Variants in DOCK5 observed in about 807,000 individuals in gnomAD.
DOCK5 encodes dedicator of cytokinesis protein 5.
DOCK5 carries 142 observed loss-of-function variants against 251.8 expected under a neutral mutation model. The observed-to-expected ratio is 0.56, with a 90% CI of 0.49 to 0.65. The LOEUF is 0.65. Ranked by LOEUF, DOCK5 falls within the 30% of genes least tolerant of loss-of-function variation. The probability of loss-of-function intolerance (pLI) is 0.00; values close to 1 mark genes in which losing one functional copy is unlikely to be tolerated. For synonymous variants in DOCK5, 842 were observed against 835.5 expected (o/e 1.01, Z -0.13); for missense variants, 2,111 against 2,312.3 (o/e 0.91, Z 1.79).
chr8:25,280,257 A>T (rs1170650419), intron 5 of DOCK5, among the ~76,000 whole-genome samples: 1 of 151,340 alleles, frequency 6.6e-6, no homozygotes, highest in Admixed American at 6.6e-5. Context: ...TGGCCTGGGA[A>T]CCCTCCTCTT....
chr8:25,293,456 G>A (rs1384802252), intron 6 of DOCK5, among the ~76,000 whole-genome samples: 4 of 152,132 alleles, frequency 2.6e-5, no homozygotes, highest in Non-Finnish European at 4.4e-5. Flanking sequence ...TTAAAACATA[G>A]GGTTGAGGTA....
chr8:25,263,481 C>T (rs938907768), intron 2 of DOCK5, among the ~76,000 whole-genome samples: 3 of 151,874 alleles, frequency 2.0e-5, no homozygotes, highest in African/African-American at 7.3e-5. Context: ...CCTTCTGGGG[C>T]TTATAACTCC....
intron 3 of DOCK5, among the ~76,000 whole-genome samples, chr8:25,273,768 T>C (rs1007258444): frequency 6.6e-6 from 1 of 152,210 alleles, no homozygotes; most frequent in Non-Finnish European, 1.5e-5. Context: ...AAGTGTCCTG[T>C]CTACTGTGCC....
chr8:25,332,105 A>G (rs1230960801), intron 18 of DOCK5, 146 bp from the exon 19 acceptor site: 2 of 513,330 alleles, frequency 3.9e-6, no homozygotes, highest in African/African-American at 2.0e-5. Flanking sequence ...CTTAGATAGG[A>G]GATAGTAAAT....
chr8:25,278,518 A>G (rs1176015061), intron 4 of DOCK5, 51 bp from the exon 5 acceptor site: 8 of 1,554,220 alleles, frequency 5.1e-6, no homozygotes, highest in Non-Finnish European at 6.2e-6. Context: ...CATCAAGTAA[A>G]GCAGTGCTGA....
At chr8:25,352,045 C>CA (rs1800478909) in intron 27 of DOCK5, among the ~76,000 whole-genome samples, 1 of 151,720 alleles carries the variant, frequency 6.6e-6, no homozygotes. Context: ...CCCATCCCTA[C>CA]AAAAAATTTA....
chr8:25,288,037 C>T (rs1657213594), intron 5 of DOCK5, among the ~76,000 whole-genome samples: 1 of 151,972 alleles, frequency 6.6e-6, no homozygotes, highest in Admixed American at 6.6e-5. Context: ...AGGTACCCGC[C>T]ACCACACCCA....
At chr8:25,226,195 G>A (rs569765064) in intron 1 of DOCK5, among the ~76,000 whole-genome samples, 16 of 151,864 alleles carry the variant, frequency 1.1e-4, no homozygotes, top group African/African-American at 3.9e-4. Flanking sequence ...TTTAAAAAGA[G>A]GGTAGTATGT....
At chr8:25,318,784 C>T (rs879640399) in intron 14 of DOCK5, among the ~76,000 whole-genome samples, 3 of 151,874 alleles carry the variant, frequency 2.0e-5, no homozygotes, top group Admixed American at 6.6e-5. Context: ...CTTTGGTAAC[C>T]AAGGACCAAG....
At chr8:25,186,779 G>A (rs977539037) in intron 1 of DOCK5, among the ~76,000 whole-genome samples, 2 of 152,198 alleles carry the variant, frequency 1.3e-5, no homozygotes, top group African/African-American at 4.8e-5. Context: ...TTCAGTTGAG[G>A]GTAATTAATG....
chr8:25,353,663 T>G (rs1303165818), intron 27 of DOCK5, among the ~76,000 whole-genome samples: 2 of 152,140 alleles, frequency 1.3e-5, no homozygotes, highest in South Asian at 4.1e-4. Context: ...GTTAATCACT[T>G]GTGCAAAAAT....
chr8:25,327,041 T>C (rs904132800), intron 18 of DOCK5, among the ~76,000 whole-genome samples: 1 of 152,242 alleles, frequency 6.6e-6, no homozygotes, highest in Non-Finnish European at 1.5e-5. Flanking sequence ...ATTTACTAGC[T>C]GTTTCATCTT....
chr8:25,374,240 G>A (rs6993060), intron 36 of DOCK5, among the ~76,000 whole-genome samples: 70,524 of 151,918 alleles, frequency 0.46, 16,555 homozygotes, highest in Middle Eastern at 0.55. Flanking sequence ...GTAGTGGGGA[G>A]GGGGGTCAGG....
chr8:25,260,872 TGCAGCCTC>T (rs1803559411), intron 2 of DOCK5, among the ~76,000 whole-genome samples: 1 of 152,030 alleles, frequency 6.6e-6, no homozygotes, highest in South Asian at 2.1e-4. Context: ...CATAGCTGAC[TGCAGCCTC>T]CAACTTCTGG....
intron 8 of DOCK5, among the ~76,000 whole-genome samples, chr8:25,299,763 G>T (rs1056129460): frequency 1.3e-5 from 2 of 152,108 alleles, no homozygotes; most frequent in African/African-American, 2.4e-5. Flanking sequence ...GCATTGTTCA[G>T]CCCTACAGTG....
intron 38 of DOCK5, among the ~76,000 whole-genome samples, chr8:25,377,932 A>G (rs1317630051): frequency 6.8e-6 from 1 of 147,788 alleles, no homozygotes; most frequent in Non-Finnish European, 1.5e-5. Context: ...TTTGGTAAAT[A>G]TGGGGTCTCA....
intron 27 of DOCK5, among the ~76,000 whole-genome samples, chr8:25,354,610 G>C (rs1800535424): frequency 6.6e-6 from 1 of 152,138 alleles, no homozygotes. Flanking sequence ...GAAGCAAAGT[G>C]AAGTGGGAAT....
chr8:25,249,369 C>T (rs1220720382), intron 2 of DOCK5, among the ~76,000 whole-genome samples: 1 of 152,216 alleles, frequency 6.6e-6, no homozygotes, highest in South Asian at 2.1e-4. Context: ...AATCAATTTA[C>T]TTATTTAAAG....
At chr8:25,253,195 G>A (rs527412717) in intron 2 of DOCK5, among the ~76,000 whole-genome samples, 1 of 152,328 alleles carries the variant, frequency 6.6e-6, no homozygotes, top group South Asian at 2.1e-4. Context: ...GTTCACAACT[G>A]TTTCCTGAGT....
Sources: gnomAD v4.1 joint callset for allele counts (sites outside exome capture counted in the v4.1 genomes callset) on GRCh38, gnomAD v4.1.1 for gene constraint, MANE v1.5 for transcripts, NCBI Gene and HGNC (gene_info 2026-07-23, HGNC 2026-07-21) for gene names.